The following CABP1 variants were observed in gnomAD, a reference collection of about 807,000 sequenced individuals.
CABP1 encodes the protein calcium binding protein 1.
Under a neutral mutation model 34.3 loss-of-function variants are expected in CABP1, and 17 were observed. The observed-to-expected ratio is 0.50, with a 90% CI of 0.34 to 0.74. The LOEUF (loss-of-function observed/expected upper bound fraction) is 0.74, where lower values mean the gene tolerates loss of function less well. Ranked by LOEUF, CABP1 falls within the 30% of genes least tolerant of loss-of-function variation. CABP1 has a pLI of 0.01. For missense variants in CABP1, 373 were observed against 511.1 expected, an observed-to-expected ratio of 0.73 and a Z score of 2.61; for synonymous variants, 198 against 229.2, an observed-to-expected ratio of 0.86 and a Z score of 1.23.
At chr12:120,647,914 A>C (rs1300564838) in intron 1 of CABP1, among the ~76,000 whole-genome samples, 17 of 151,948 alleles carry the variant, frequency 1.1e-4, no homozygotes, top group Non-Finnish European at 2.9e-5. Context: ...AGTGCTTCCC[A>C]ACACTGGCTG....
chr12:120,675,828 C>A, the CABP1 span, among the ~76,000 whole-genome samples: 6 of 152,160 alleles, frequency 3.9e-5, no homozygotes, highest in Non-Finnish European at 7.4e-5. Flanking sequence ...GTAATCCCGG[C>A]ACTTTGGGAG....
rs749010924 is a variant in CABP1, at chr12:120,641,307, C to T, written c.622C>T (p.Leu208=). ...ASEADPFLHR[L]RPMLSSAFGQ... Reference sequence around the variant, plus strand: ...CGAGGCGGACCCGTTCCTCCACCGGCTGCGCCCCATGCTCAGCTCCGCCTT... The same window carrying T: ...CGAGGCGGACCCGTTCCTCCACCGGTTGCGCCCCATGCTCAGCTCCGCCTT... The change falls in exon 1 of 6, where the codon CTG becomes TTG. Residue 208 remains leucine, a synonymous_variant. Coordinates refer to ENST00000316803, the MANE Select transcript of CABP1 (RefSeq NM_001033677.2). The surrounding 1 kb of genome is among the most constrained non-coding windows in gnomAD (Gnocchi z 6.7). The T allele has an allele frequency of 9.0e-6, 12 of 1,331,528 alleles. No individual in the cohort carries two copies. The East Asian group carries it at 3.4e-4, about 37-fold the overall frequency. The allele number at this position is 1,331,528 out of a possible 1,614,324, so 82.5% of individuals were successfully genotyped here. A position where few individuals can be genotyped will look rare whatever the true frequency, so the allele number is the denominator to read the frequency against.
intron 1 of CABP1, among the ~76,000 whole-genome samples, chr12:120,645,101 G>A (rs905381476): frequency 1.3e-5 from 2 of 152,176 alleles, no homozygotes; most frequent in Admixed American, 6.5e-5. Context: ...TACCACGCCC[G>A]GCCAGTTCCT....
intron 1 of CABP1, chr12:120,655,884 C>T: frequency 6.5e-7 from 1 of 1,536,222 alleles, no homozygotes; most frequent in Non-Finnish European, 8.7e-7. Context: ...TCACATTCAG[C>T]TCTCCCCGGA....
rs569415569 is a variant in CABP1 at position 120,659,652 on chromosome 12, G to T, written c.655-226G>T. 11 of 504,072 alleles carry T rather than the reference G, an allele frequency of 2.2e-5. No individual in the cohort carries two copies. The Admixed American group carries it at 2.6e-4, about 12-fold the overall frequency. The allele number at this position is 504,072 out of a possible 1,614,324, so 31.2% of individuals were successfully genotyped here. A position where few individuals can be genotyped will look rare whatever the true frequency, so the allele number is the denominator to read the frequency against. On this transcript the variant is annotated intron_variant, in intron 1 of 5. Transcript: ENST00000316803. ...GAGGTTCTGTGCCCAGGCTGGTGGG[G>T]CTGGTGGCTTCTTGGGCATCTCCTG...
At position 120,660,468 on chromosome 12, in the gene CABP1, A is replaced by C; in HGVS notation, c.829+129A>C. Reference sequence around the variant, plus strand: ...CTCTGTGATCTGGGGCCAACCACTTACCCTCTCTGAGCCTCAGTTTCCTCA... The same window carrying C: ...CTCTGTGATCTGGGGCCAACCACTTCCCCTCTCTGAGCCTCAGTTTCCTCA... On this transcript the variant is annotated intron_variant, in intron 3 of 5. Transcript: ENST00000316803. This position sits in a 1 kb window ranked among gnomAD's most constrained non-coding sequence, Gnocchi z 5.0. The C allele has an allele frequency of 9.6e-7, 1 of 1,036,472 alleles. No individual in the cohort carries two copies. The allele number at this position is 1,036,472 out of a possible 1,614,324, so 64.2% of individuals were successfully genotyped here.
chr12:120,660,474 T>G lies in CABP1; in HGVS notation c.829+135T>G. 1 of 1,002,092 alleles carries G rather than the reference T, an allele frequency of 1.0e-6. No homozygotes were observed. The highest frequency in any genetic ancestry group is 1.5e-6 in the Non-Finnish European group (1 of 688,708). The allele number at this position is 1,002,092 out of a possible 1,614,324, so 62.1% of individuals were successfully genotyped here. On this transcript the variant is annotated intron_variant, in intron 3 of 5. Coordinates refer to ENST00000316803, the MANE Select transcript of CABP1 (RefSeq NM_001033677.2). The surrounding 1 kb of genome is among the most constrained non-coding windows in gnomAD (Gnocchi z 5.0). ...GATCTGGGGCCAACCACTTACCCTCTCTGAGCCTCAGTTTCCTCACCTGTA... is the reference window on the plus strand; with the variant it reads ...GATCTGGGGCCAACCACTTACCCTCGCTGAGCCTCAGTTTCCTCACCTGTA...
chr12:120,660,598 G>GA lies in CABP1; in HGVS notation c.830-133_830-132insA. The GA allele has an allele frequency of 1.3e-6, 1 of 748,816 alleles. No individual in the cohort carries two copies. Among genetic ancestry groups the GA allele is most frequent in the Non-Finnish European group, 2.4e-6 (1 of 425,494 alleles). 46.4% of individuals were successfully genotyped at this position (748,816 alleles called of 1,614,324 possible). On this transcript the variant is annotated intron_variant, in intron 3 of 5. Coordinates refer to ENST00000316803, the MANE Select transcript of CABP1 (RefSeq NM_001033677.2). The surrounding 1 kb of genome is among the most constrained non-coding windows in gnomAD (Gnocchi z 5.0). ...GGCTCACAGGAAGAACTGAACAGAG[G>GA]GCTCTTGTTATTATTAAGTTTGTCT...
At chr12:120,675,581 TCAC>T in the CABP1 span, among the ~76,000 whole-genome samples, 7 of 152,224 alleles carry the variant, frequency 4.6e-5, no homozygotes, top group African/African-American at 1.2e-4. Flanking sequence ...AGGACAGAAG[TCAC>T]CACCACAGCT....
chr12:120,652,719 G>C (rs143655496), intron 1 of CABP1, among the ~76,000 whole-genome samples: 4 of 152,032 alleles, frequency 2.6e-5, no homozygotes, highest in African/African-American at 9.7e-5. Flanking sequence ...TCCCTCATTC[G>C]GCTTCTCCTT....
intron 5 of CABP1, 86 bp from the exon 6 acceptor site, chr12:120,666,789 G>T: frequency 6.9e-7 from 1 of 1,443,132 alleles, no homozygotes; most frequent in Non-Finnish European, 9.5e-7. Flanking sequence ...AGTTGGGGCA[G>T]TGGCAACAGG....
intron 1 of CABP1, among the ~76,000 whole-genome samples, chr12:120,651,039 C>T (rs775340213): frequency 3.9e-5 from 6 of 152,124 alleles, no homozygotes; most frequent in Admixed American, 1.3e-4. Flanking sequence ...CCCTTAAAAC[C>T]GGCAGAATCT....
At chr12:120,659,708 G>A (rs1281561197) in intron 1 of CABP1, 170 bp from the exon 2 acceptor site, 2 of 596,092 alleles carry the variant, frequency 3.4e-6, no homozygotes, top group Non-Finnish European at 6.0e-6. Flanking sequence ...ATGTCTAAGG[G>A]AGATGTGGGG....
chr12:120,677,559 G>C, the CABP1 span, among the ~76,000 whole-genome samples: 3 of 151,940 alleles, frequency 2.0e-5, no homozygotes, highest in Non-Finnish European at 4.4e-5. Context: ...ACAATGCTCA[G>C]CTATTGTTTT....
chr12:120,676,975 C>A, the CABP1 span, among the ~76,000 whole-genome samples: 1 of 152,152 alleles, frequency 6.6e-6, no homozygotes, highest in East Asian at 1.9e-4. Context: ...CAGTGGTACA[C>A]GTCTGTAATC....
the CABP1 span, among the ~76,000 whole-genome samples, chr12:120,679,724 C>T: frequency 0.13 from 20,057 of 151,752 alleles, 1,448 homozygotes; most frequent in Non-Finnish European, 0.15. Flanking sequence ...CTACTAGGGA[C>T]GCTGAGGCAG....
intron 1 of CABP1, chr12:120,649,935 A>C (rs1240157175): frequency 6.6e-6 from 1 of 152,140 alleles, no homozygotes; most frequent in East Asian, 1.9e-4. Flanking sequence ...GTGCTTGTCC[A>C]GCTCACTGCT....
chr12:120,655,780 T>C, intron 1 of CABP1: 13 of 1,492,754 alleles, frequency 8.7e-6, no homozygotes, highest in Non-Finnish European at 1.2e-5. Context: ...TGTCTCTTCA[T>C]GCACTTGGGT....
chr12:120,651,753 C>T (rs1879860253), intron 1 of CABP1, among the ~76,000 whole-genome samples: 1 of 152,222 alleles, frequency 6.6e-6, no homozygotes, highest in Non-Finnish European at 1.5e-5. Flanking sequence ...CTAAGCTGCT[C>T]ACATCAAATT....
Sources: allele counts gnomAD v4.1 joint callset (sites outside exome capture counted in the v4.1 genomes callset), GRCh38; gene constraint gnomAD v4.1.1; non-coding constraint Gnocchi (gnomAD v3.1); transcripts MANE v1.5; gene names NCBI Gene and HGNC (gene_info 2026-07-23, HGNC 2026-07-21).